Variants in PALS1 observed in about 807,000 individuals in gnomAD.
PALS1 encodes the protein protein associated with LIN7 1, MAGUK p55 family member, also known as protein PALS1.
Under a neutral mutation model 78.9 loss-of-function variants are expected in PALS1, and 31 were observed. The observed-to-expected ratio is 0.39, with a 90% CI of 0.30 to 0.53. The LOEUF is 0.53. Among genes scored for constraint, PALS1 ranks in the 20% least tolerant of loss-of-function variants. The pLI, the probability that PALS1 is intolerant of heterozygous loss-of-function variation, is 0.67. For synonymous variants in PALS1, 276 were observed against 270.9 expected (o/e 1.02, Z -0.18); for missense variants, 704 against 826.5 (o/e 0.85, Z 1.82).
rs368826529 is a variant in PALS1 at position 67,265,554 on chromosome 14, C to CT, written c.-236-4146dup. 3.4e-3 allele frequency among the ~76,000 whole-genome samples: 522 copies of CT among 151,976 alleles called. 5 individuals are homozygous for CT. Among genetic ancestry groups the CT allele is most frequent in the African/African-American group, 0.011 (448 of 41,450 alleles). Reference sequence around the variant, plus strand: ...TGGGCAACAGAGCGAGACCCTATCTCTATTTAAAAGAAAAATAAAAAAGCC... The same window carrying CT: ...TGGGCAACAGAGCGAGACCCTATCTCTTATTTAAAAGAAAAATAAAAAAGCC... On this transcript the variant is annotated intron_variant, in intron 1 of 14. Coordinates refer to ENST00000261681, the MANE Select transcript of PALS1 (RefSeq NM_022474.4).
intron 13 of PALS1, 46 bp downstream of exon 13, chr14:67,321,305 CAT>C: frequency 6.4e-7 from 1 of 1,574,032 alleles, no homozygotes; most frequent in Non-Finnish European, 8.7e-7. Context: ...GAAGGAATGT[CAT>C]ATAGAGTAAT....
At chr14:67,265,202 G>A (rs1295429430) in intron 1 of PALS1, among the ~76,000 whole-genome samples, 1 of 152,182 alleles carries the variant, frequency 6.6e-6, no homozygotes, top group East Asian at 1.9e-4. Context: ...CCTAAACCAT[G>A]AACTATATGG....
intron 1 of PALS1, among the ~76,000 whole-genome samples, chr14:67,253,951 A>T (rs1259741463): frequency 6.7e-6 from 1 of 149,288 alleles, no homozygotes; most frequent in African/African-American, 2.5e-5. Context: ...GTTTGTGTTA[A>T]TATTTTGTTT....
At chr14:67,324,945 C>T (rs2085328150) in intron 14 of PALS1, among the ~76,000 whole-genome samples, 1 of 134,472 alleles carries the variant, frequency 7.4e-6, no homozygotes, top group Admixed American at 8.5e-5. Context: ...TGCTCTGTCA[C>T]CCAGGCTGGA....
intron 1 of PALS1, among the ~76,000 whole-genome samples, chr14:67,266,250 G>A (rs1475043168): frequency 6.6e-6 from 1 of 152,038 alleles, no homozygotes; most frequent in African/African-American, 2.4e-5. Context: ...TTAGATCATG[G>A]GGACTTTATT....
chr14:67,327,082 G>A (rs889602038), intron 14 of PALS1, among the ~76,000 whole-genome samples: 7 of 152,178 alleles, frequency 4.6e-5, no homozygotes, highest in South Asian at 2.1e-4. Flanking sequence ...GGCTGAGGCC[G>A]GAGAATCACT....
At chr14:67,331,855 C>T (rs762126041) in intron 14 of PALS1, among the ~76,000 whole-genome samples, 2 of 152,056 alleles carry the variant, frequency 1.3e-5, no homozygotes, top group African/African-American at 4.8e-5. Flanking sequence ...TCAGTGTGTT[C>T]AGTTACAGTG....
At chr14:67,330,957 C>T (rs568063280) in intron 14 of PALS1, among the ~76,000 whole-genome samples, 5 of 152,216 alleles carry the variant, frequency 3.3e-5, no homozygotes, top group African/African-American at 9.6e-5. Context: ...TCTGTGCACA[C>T]CTGTTAGGAT....
intron 14 of PALS1, among the ~76,000 whole-genome samples, chr14:67,328,639 TG>T (rs2085396491): frequency 6.6e-6 from 1 of 152,240 alleles, no homozygotes; most frequent in Non-Finnish European, 1.5e-5. Context: ...TAATCCATCT[TG>T]AATTAACTTT....
At chr14:67,303,663 T>A in intron 8 of PALS1, 64 bp downstream of exon 8, 9 of 1,126,200 alleles carry the variant, frequency 8.0e-6, no homozygotes, top group African/African-American at 1.5e-5. Flanking sequence ...CTGTTACTGT[T>A]TACTGTTACA....
chr14:67,318,494 G>A (rs377501531), intron 11 of PALS1, among the ~76,000 whole-genome samples: 1 of 152,118 alleles, frequency 6.6e-6, no homozygotes, highest in African/African-American at 2.4e-5. Flanking sequence ...TGTAGAAAAC[G>A]TGGCAAATCT....
intron 1 of PALS1, among the ~76,000 whole-genome samples, chr14:67,245,883 T>C (rs1378505402): frequency 6.6e-6 from 1 of 152,120 alleles, no homozygotes; most frequent in African/African-American, 2.4e-5. Flanking sequence ...TTCCAAGTTT[T>C]ATATTGTAAT....
At chr14:67,274,451 T>C (rs2140626410) in intron 2 of PALS1, among the ~76,000 whole-genome samples, 1 of 152,324 alleles carries the variant, frequency 6.6e-6, no homozygotes, top group South Asian at 2.1e-4. Context: ...GTACTATTTC[T>C]GAGGGCTCTG....
intron 8 of PALS1, among the ~76,000 whole-genome samples, chr14:67,304,747 A>G (rs2084976341): frequency 2.0e-5 from 3 of 152,246 alleles, no homozygotes; most frequent in Admixed American, 1.3e-4. Flanking sequence ...TGAATAAACT[A>G]AAACCATCCA....
chr14:67,271,375 T>C (rs1178607297), intron 2 of PALS1: 1 of 152,222 alleles, frequency 6.6e-6, no homozygotes, highest in African/African-American at 2.4e-5. Flanking sequence ...TAGGTTCATA[T>C]TCTGAAGCCT....
At chr14:67,315,268 A>ATTTTTTTTTTTT (rs531037352) in intron 9 of PALS1, among the ~76,000 whole-genome samples, 1 of 101,590 alleles carries the variant, frequency 9.8e-6, no homozygotes, top group Non-Finnish European at 1.9e-5. Flanking sequence ...CTTATTTTTA[A>ATTTTTTTTTTTT]TTTTTTTTTT....
At chr14:67,293,013 GTA>G (rs960448840) in intron 4 of PALS1, among the ~76,000 whole-genome samples, 3 of 152,094 alleles carry the variant, frequency 2.0e-5, no homozygotes, top group Non-Finnish European at 4.4e-5. Context: ...AATGTTTTTA[GTA>G]TAGTTTTATG....
In PALS1 at chr14:67,320,378, C is replaced by G; in HGVS notation, c.1518C>G (p.Arg506=). ...RQRLMNKEKD[R]FASAVPHTTR... ...GGCTCATGAACAAAGAAAAGGACCGCTTTGCATCTGCAGTTCCTCGTAAGT... is the reference window on the plus strand; with the variant it reads ...GGCTCATGAACAAAGAAAAGGACCGGTTTGCATCTGCAGTTCCTCGTAAGT... Residue 506 remains arginine, a synonymous_variant, in exon 12 of 15, where the codon CGC becomes CGG. Transcript: ENST00000261681. 6.2e-7 allele frequency: 1 copy of G among 1,607,150 alleles called. No homozygotes were observed. Among genetic ancestry groups the G allele is most frequent in the Non-Finnish European group, 8.5e-7 (1 of 1,177,598 alleles).
At chr14:67,247,947 C>T (rs1317955581) in intron 1 of PALS1, among the ~76,000 whole-genome samples, 1 of 152,052 alleles carries the variant, frequency 6.6e-6, no homozygotes, top group Non-Finnish European at 1.5e-5. Flanking sequence ...AGCTGTAGGT[C>T]ATTTTGTGCA....
Sources: allele counts gnomAD v4.1 joint callset (sites outside exome capture counted in the v4.1 genomes callset), GRCh38; gene constraint gnomAD v4.1.1; transcripts MANE v1.5; gene names NCBI Gene and HGNC (gene_info 2026-07-23, HGNC 2026-07-21).